Variants in CCDC7 observed in about 807,000 individuals in gnomAD.
The protein encoded by CCDC7 is coiled-coil domain containing 7.
A neutral mutation model predicts 196.9 loss-of-function variants in CCDC7; 183 were observed. The ratio of observed to expected loss-of-function variants is 0.93; its 90% CI spans 0.82 to 1.05. CCDC7 has a LOEUF of 1.05. CCDC7 is among the 50% of genes least tolerant of loss of function. The probability of loss-of-function intolerance (pLI) is 0.00; values close to 1 mark genes in which losing one functional copy is unlikely to be tolerated. For missense variants in CCDC7, 1,540 were observed against 1,482.2 expected (o/e 1.04, Z -0.64); for synonymous variants, 525 against 484.6 (o/e 1.08, Z -1.10).
chr10:32,517,450 T>C (rs1307999826), intron 9 of CCDC7, among the ~76,000 whole-genome samples: 1 of 151,994 alleles, frequency 6.6e-6, no homozygotes, highest in Non-Finnish European at 1.5e-5. Context: ...GTAACAGTGA[T>C]CCAATATTTC....
At position 32,640,231 on chromosome 10, in the gene CCDC7, T is replaced by TTA. The variant is rs561633042; in HGVS notation, c.2014+5073_2014+5074insTA. 2.6e-4 allele frequency among the ~76,000 whole-genome samples: 39 copies of TTA among 152,346 alleles called. No homozygotes were observed. In the South Asian group the frequency reaches 7.7e-3, roughly 30 times the overall value. ...TTTATGAATCTGGGTGCTCCTGTAT[T>TTA]GGGTGCATACATATTTAGGATAGTC... On this transcript the variant is annotated intron_variant, in intron 20 of 41. Coordinates refer to ENST00000639629, the Ensembl canonical transcript of CCDC7.
exon 23 of CCDC7, chr10:32,689,099 C>T (rs780480710): frequency 1.2e-6 from 2 of 1,608,406 alleles, no homozygotes; most frequent in Admixed American, 1.7e-5. Context: ...GGCATCAAGA[C>T]TCAATGTCAA....
At chr10:32,829,902 G>T (rs117708854) in intron 32 of CCDC7, among the ~76,000 whole-genome samples, 3,593 of 151,236 alleles carry the variant, frequency 0.024, 63 homozygotes, top group Non-Finnish European at 0.036. Flanking sequence ...GCAGAAAAAC[G>T]TGAAAATACT....
intron 21 of CCDC7, among the ~76,000 whole-genome samples, chr10:32,667,644 G>T (rs1262564432): frequency 6.6e-6 from 1 of 152,052 alleles, no homozygotes; most frequent in Non-Finnish European, 1.5e-5. Flanking sequence ...CCCATTTCTT[G>T]TTTTTCTCAG....
intron 20 of CCDC7, among the ~76,000 whole-genome samples, chr10:32,661,472 G>A (rs2071428986): frequency 6.6e-6 from 1 of 152,142 alleles, no homozygotes. Flanking sequence ...CACCACAGTT[G>A]GAAATGTGCT....
chr10:32,700,210 C>T lies in CCDC7; in HGVS notation c.2458+5218C>T, dbSNP rs549322810. On this transcript the variant is annotated intron_variant, in intron 24 of 41. Transcript: ENST00000639629. ...TAGGTCTAACATTTAAGTCTTTAAT[C>T]GATCTTGAATTAATTTTTGTATAAG... Among the ~76,000 whole-genome samples the T allele has an allele frequency of 2.3e-4, 34 of 149,474 alleles. 1 individual carries two copies. The highest frequency in any genetic ancestry group is 1.2e-3 in the South Asian group (6 of 4,826).
chr10:32,676,965 A>G (rs1354856317), intron 21 of CCDC7, among the ~76,000 whole-genome samples: 1 of 152,140 alleles, frequency 6.6e-6, no homozygotes, highest in Non-Finnish European at 1.5e-5. Flanking sequence ...ACTTGGAACC[A>G]ACCCAAATGT....
At chr10:32,660,345 A>G (rs577240835) in intron 20 of CCDC7, among the ~76,000 whole-genome samples, 7 of 137,064 alleles carry the variant, frequency 5.1e-5, no homozygotes, top group African/African-American at 1.9e-4. Flanking sequence ...CTCATTGTTC[A>G]ATTCCCACCT....
At chr10:32,591,608 G>A (rs1421936199) in intron 18 of CCDC7, among the ~76,000 whole-genome samples, 1 of 151,972 alleles carries the variant, frequency 6.6e-6, no homozygotes, top group Non-Finnish European at 1.5e-5. Context: ...TATATTAATA[G>A]ATACACAAAA....
intron 20 of CCDC7, among the ~76,000 whole-genome samples, chr10:32,639,448 G>A (rs1033267172): frequency 1.3e-5 from 2 of 151,928 alleles, no homozygotes; most frequent in African/African-American, 4.8e-5. Context: ...TGTTCTCGTT[G>A]GTTTCAAAGA....
intron 31 of CCDC7, among the ~76,000 whole-genome samples, chr10:32,819,750 T>C (rs2089746023): frequency 6.6e-6 from 1 of 152,180 alleles, no homozygotes; most frequent in Non-Finnish European, 1.5e-5. Flanking sequence ...GAAAAGGCCT[T>C]TGACAAAATT....
At chr10:32,600,096 G>C (rs1016914090) in intron 18 of CCDC7, among the ~76,000 whole-genome samples, 1 of 151,698 alleles carries the variant, frequency 6.6e-6, no homozygotes, top group African/African-American at 2.4e-5. Context: ...ATTTTTTTCT[G>C]ATTCTGTGAA....
chr10:32,529,895 C>T (rs7095808), intron 11 of CCDC7, among the ~76,000 whole-genome samples: 140,530 of 152,256 alleles, frequency 0.92, 65,852 homozygotes, highest in East Asian at 1. Context: ...AGAATCTTTA[C>T]GGTTTCAGGC....
chr10:32,514,220 T>C (rs538485718), intron 9 of CCDC7: 1 of 152,320 alleles, frequency 6.6e-6, no homozygotes, highest in South Asian at 2.1e-4. Flanking sequence ...TCAAAAGATA[T>C]GTTGAAGTTC....
intron 16 of CCDC7, among the ~76,000 whole-genome samples, chr10:32,579,443 C>T (rs1285611605): frequency 2.0e-5 from 3 of 151,984 alleles, no homozygotes; most frequent in South Asian, 4.2e-4. Flanking sequence ...TACCTGTTCT[C>T]GGTTTAATAA....
intron 29 of CCDC7, among the ~76,000 whole-genome samples, chr10:32,784,877 G>A (rs2081595223): frequency 2.0e-5 from 3 of 151,902 alleles, no homozygotes; most frequent in South Asian, 2.1e-4. Flanking sequence ...TGGCACACGC[G>A]TGTGGTCCCA....
At chr10:32,593,475 A>G (rs2059988566) in intron 18 of CCDC7, among the ~76,000 whole-genome samples, 1 of 152,180 alleles carries the variant, frequency 6.6e-6, no homozygotes. Context: ...TAGATTATAA[A>G]AATTTTCTCC....
At chr10:32,799,935 C>T (rs186773090) in intron 29 of CCDC7, among the ~76,000 whole-genome samples, 21 of 152,350 alleles carry the variant, frequency 1.4e-4, no homozygotes, top group African/African-American at 5.1e-4. Flanking sequence ...GCCTTGCCCA[C>T]TGAAGGCAAA....
At chr10:32,797,069 C>T (rs2083694237) in intron 29 of CCDC7, among the ~76,000 whole-genome samples, 1 of 151,918 alleles carries the variant, frequency 6.6e-6, no homozygotes, top group African/African-American at 2.4e-5. Flanking sequence ...CTTGCACACG[C>T]ATGTTTATAA....
Sources: gnomAD v4.1 joint callset for allele counts (sites outside exome capture counted in the v4.1 genomes callset) on GRCh38, gnomAD v4.1.1 for gene constraint, MANE v1.5 for transcripts, NCBI Gene and HGNC (gene_info 2026-07-23, HGNC 2026-07-21) for gene names.